Variants in PCDHA5 observed in about 807,000 individuals in gnomAD.
PCDHA5 encodes protocadherin alpha 5.
In PCDHA5, 43 loss-of-function variants were observed where a neutral mutation model predicts 61.6. That is an observed-to-expected ratio of 0.70 (90% CI 0.55 to 0.90). The LOEUF is 0.90. Among genes scored for constraint, PCDHA5 ranks in the 40% least tolerant of loss-of-function variants. The probability of loss-of-function intolerance (pLI) is 0.00; values close to 1 mark genes in which losing one functional copy is unlikely to be tolerated. For missense variants in PCDHA5, 1,298 were observed against 1,222.7 expected, an observed-to-expected ratio of 1.06 and a Z score of -0.92; for synonymous variants, 627 against 543.9, an observed-to-expected ratio of 1.15 and a Z score of -2.13.
chr5:140,908,844 C>G (rs533219921), intron 1 of PCDHA5, among the ~76,000 whole-genome samples: 1 of 152,156 alleles, frequency 6.6e-6, no homozygotes, highest in Non-Finnish European at 1.5e-5. Flanking sequence ...GCTGGAGTAA[C>G]ATACCCAAAT....
At chr5:140,941,217 T>TCCTTTCTTTCTTTCTTTCTTTCTG (rs2092892388) in intron 1 of PCDHA5, among the ~76,000 whole-genome samples, 1 of 126,078 alleles carries the variant, frequency 7.9e-6, no homozygotes, top group Non-Finnish European at 1.7e-5. Context: ...CTTTCTTCCT[T>TCCTTTCTTTCTTTCTTTCTTTCTG]TCTTTCTTTC....
rs2150124872 is a variant in PCDHA5 at position 140,823,348 on chromosome 5, G to A, written c.1573G>A (p.Glu525Lys). The A allele has an allele frequency of 1.9e-5, 31 of 1,612,340 alleles. No homozygotes were observed. In the Admixed American group the frequency reaches 4.8e-4, roughly 25 times the overall value. Residue 525 changes from glutamate to lysine, a missense_variant, in exon 1 of 4, where the codon GAG becomes AAG. Glu to Lys is a moderately conservative substitution (Grantham distance 56). Transcript: ENST00000529859. ...GTACGCGCTGCAGCCGCTGGACCAC[G>A]AGGAAGTGGAGCTGCTGCAGTTCCA... ...KVYALQPLDH[E>K]EVELLQFQVS...
chr5:140,851,664 A>G, intron 1 of PCDHA5: 1 of 913,742 alleles, frequency 1.1e-6, no homozygotes, highest in South Asian at 5.0e-5. Flanking sequence ...TTCTCCTTTT[A>G]ATTGAAATTT....
chr5:140,948,096 T>C (rs550126735), intron 1 of PCDHA5, among the ~76,000 whole-genome samples: 1 of 151,754 alleles, frequency 6.6e-6, no homozygotes, highest in East Asian at 1.9e-4. Flanking sequence ...TATGAGCATA[T>C]GATTTTTCTT....
intron 1 of PCDHA5, among the ~76,000 whole-genome samples, chr5:140,938,945 T>A (rs1390189208): frequency 6.6e-6 from 1 of 152,154 alleles, no homozygotes; most frequent in African/African-American, 2.4e-5. Context: ...TCCATTCTTA[T>A]AATGCTCTAG....
intron 1 of PCDHA5, chr5:140,848,872 T>C: frequency 6.3e-7 from 1 of 1,590,738 alleles, no homozygotes; most frequent in Non-Finnish European, 8.6e-7. Flanking sequence ...GTGAAGGACA[T>C]TAACGACAAC....
At chr5:140,966,603 G>A (rs567686852) in intron 1 of PCDHA5, 9 of 656,454 alleles carry the variant, frequency 1.4e-5, no homozygotes, top group African/African-American at 1.3e-4. Flanking sequence ...AGGAGCCCTT[G>A]GGAGGGCCTA....
chr5:140,831,896 C>T (rs1408424935), intron 1 of PCDHA5, among the ~76,000 whole-genome samples: 1 of 152,054 alleles, frequency 6.6e-6, no homozygotes, highest in African/African-American at 2.4e-5. Context: ...CTGTGTTTGC[C>T]AAATAGCAAG....
chr5:140,834,613 T>C, intron 1 of PCDHA5: 2 of 1,614,054 alleles, frequency 1.2e-6, no homozygotes, highest in African/African-American at 1.3e-5. Flanking sequence ...CTTCTGGAGG[T>C]AAATCTGCAG....
chr5:140,970,425 C>T (rs1554232453), intron 1 of PCDHA5, among the ~76,000 whole-genome samples: 1 of 151,722 alleles, frequency 6.6e-6, no homozygotes, highest in Non-Finnish European at 1.5e-5. Flanking sequence ...GGTGTAGAGG[C>T]AGGTGTTAGT....
chr5:140,821,627 C>G lies in PCDHA5; in HGVS notation c.-149C>G. On this transcript the variant is annotated 5_prime_UTR_variant, in exon 1 of 4. Coordinates refer to ENST00000529859, the MANE Select transcript of PCDHA5 (RefSeq NM_018908.3). ...ATACAGTGAGTAGATTTTCCTTAGA[C>G]AGAAAGGAAAAGAACCTTCCATTTT... 1 of 931,038 alleles carries G rather than the reference C, an allele frequency of 1.1e-6. No individual in the cohort carries two copies. Among genetic ancestry groups the G allele is most frequent in the East Asian group, 2.7e-5 (1 of 37,380 alleles). 57.7% of individuals were successfully genotyped at this position (931,038 alleles called of 1,614,324 possible).
At chr5:140,867,267 A>G (rs2049851956) in intron 1 of PCDHA5, 1 of 152,078 alleles carries the variant, frequency 6.6e-6, no homozygotes, top group African/African-American at 2.4e-5. Flanking sequence ...TTTTGTTCAA[A>G]ATAAACCTGA....
chr5:140,901,069 T>C (rs1175492593), intron 1 of PCDHA5, among the ~76,000 whole-genome samples: 2 of 152,186 alleles, frequency 1.3e-5, no homozygotes, highest in Admixed American at 6.5e-5. Context: ...GATTTTTTTT[T>C]CTATAGAGTT....
At chr5:140,932,415 T>C (rs1183410119) in intron 1 of PCDHA5, among the ~76,000 whole-genome samples, 2 of 151,922 alleles carry the variant, frequency 1.3e-5, no homozygotes, top group African/African-American at 4.8e-5. Context: ...GTTATATTAG[T>C]GTATTGTTCA....
intron 1 of PCDHA5, among the ~76,000 whole-genome samples, chr5:140,910,531 C>G (rs2153515118): frequency 6.6e-6 from 1 of 152,310 alleles, no homozygotes; most frequent in Admixed American, 6.5e-5. Flanking sequence ...ACTCCCCTCA[C>G]AAATCTATTT....
At chr5:140,863,032 G>T (rs781870887) in intron 1 of PCDHA5, 2 of 556,874 alleles carry the variant, frequency 3.6e-6, no homozygotes, top group East Asian at 9.4e-5. Context: ...CGCAACAGCT[G>T]CATCTGTCAG....
intron 1 of PCDHA5, chr5:140,870,381 G>T: frequency 6.2e-7 from 1 of 1,614,214 alleles, no homozygotes; most frequent in African/African-American, 1.3e-5. Flanking sequence ...TGGTGACTGC[G>T]CGGGATGGGG....
Position 140,858,211 on chromosome 5 carries a change from C to T in PCDHA5, c.2352+34084C>T, listed in dbSNP as rs368039385. On this transcript the variant is annotated intron_variant, in intron 1 of 3. Transcript: ENST00000529859. ...TGCTGCTGTACACTGCACTGAGGTG[C>T]TCGGCGGCGCCCACCGAGGGCGCAT... 10 of 1,594,094 alleles carry T rather than the reference C, an allele frequency of 6.3e-6. 2 individuals are homozygous for T. Among genetic ancestry groups the T allele is most frequent in the Non-Finnish European group, 8.6e-6 (10 of 1,165,544 alleles).
intron 1 of PCDHA5, among the ~76,000 whole-genome samples, chr5:140,976,726 T>C (rs2096728998): frequency 6.6e-6 from 1 of 152,202 alleles, no homozygotes; most frequent in East Asian, 1.9e-4. Context: ...TTCATTTATT[T>C]AAACACATTT....
Sources: allele counts gnomAD v4.1 joint callset (sites outside exome capture counted in the v4.1 genomes callset), GRCh38; gene constraint gnomAD v4.1.1; transcripts MANE v1.5; gene names NCBI Gene and HGNC (gene_info 2026-07-23, HGNC 2026-07-21).